Variants in PRKN observed in about 807,000 individuals in gnomAD.
The protein encoded by PRKN is E3 ubiquitin-protein ligase parkin.
A neutral mutation model predicts 59.5 loss-of-function variants in PRKN; 56 were observed. The ratio of observed to expected loss-of-function variants is 0.94; its 90% CI spans 0.76 to 1.18. PRKN has a LOEUF of 1.18. Among genes scored for constraint, PRKN ranks in the 50% most tolerant of loss-of-function variants. PRKN has a pLI of 0.00. For missense variants in PRKN, 657 were observed against 596.4 expected (o/e 1.10, Z -1.06); for synonymous variants, 250 against 222.1 (o/e 1.13, Z -1.12).
In PRKN at chr6:161,844,777, C is replaced by G. The variant is rs35545044; in HGVS notation, c.735-58869G>C. Among the ~76,000 whole-genome samples, 374 of 152,208 alleles carry G rather than the reference C, an allele frequency of 2.5e-3. 2 individuals carry two copies. Among genetic ancestry groups the G allele is most frequent in the African/African-American group, 8.4e-3 (348 of 41,550 alleles). On this transcript the variant is annotated intron_variant, in intron 6 of 11. Transcript: ENST00000366898. ...GGCAGCAGGACAGACCCTCCACCCCCACCCCGGAAGCAGAATCACACGCTT... is the reference window on the plus strand; with the variant it reads ...GGCAGCAGGACAGACCCTCCACCCCGACCCCGGAAGCAGAATCACACGCTT...
chr6:162,265,533 A>C lies in PRKN; in HGVS notation c.172-2768T>G, dbSNP rs142148457. On this transcript the variant is annotated intron_variant, in intron 2 of 11. Coordinates refer to ENST00000366898, the MANE Select transcript of PRKN (RefSeq NM_004562.3). ...CGGTGAAACCCCGTCTGTACTAAAAAGATAAAAATTAGCCGGGCATGGTGG... is the reference window on the plus strand; with the variant it reads ...CGGTGAAACCCCGTCTGTACTAAAACGATAAAAATTAGCCGGGCATGGTGG... Among the ~76,000 whole-genome samples, 841 of 152,290 alleles carry C rather than the reference A, an allele frequency of 5.5e-3. 8 individuals carry two copies. Among genetic ancestry groups the C allele is most frequent in the African/African-American group, 0.019 (802 of 41,550 alleles).
At chr6:161,634,363 T>C (rs928898071) in intron 7 of PRKN, among the ~76,000 whole-genome samples, 2 of 152,142 alleles carry the variant, frequency 1.3e-5, no homozygotes, top group African/African-American at 4.8e-5. Flanking sequence ...CAGACGGTGC[T>C]CTGAGCCTCC....
At chr6:161,868,864 CAGGTACT>C (rs1258640442) in intron 6 of PRKN, among the ~76,000 whole-genome samples, 1 of 152,188 alleles carries the variant, frequency 6.6e-6, no homozygotes, top group African/African-American at 2.4e-5. Flanking sequence ...GCCCTTGCAG[CAGGTACT>C]AGAGTTCTAC....
chr6:162,312,574 G>A (rs557253933), intron 2 of PRKN, among the ~76,000 whole-genome samples: 10 of 152,176 alleles, frequency 6.6e-5, no homozygotes, highest in Non-Finnish European at 1.2e-4. Flanking sequence ...TTAATTACTC[G>A]TTAGGAGAAA....
At chr6:162,415,286 A>C (rs1328270071) in intron 2 of PRKN, among the ~76,000 whole-genome samples, 3 of 152,178 alleles carry the variant, frequency 2.0e-5, no homozygotes. Flanking sequence ...CACTTTGTTT[A>C]AATGTGTTCA....
chr6:161,850,334 C>T (rs887989388), intron 6 of PRKN, among the ~76,000 whole-genome samples: 3 of 152,108 alleles, frequency 2.0e-5, no homozygotes, highest in Non-Finnish European at 4.4e-5. Context: ...AATCCCAGCA[C>T]TTTGGAAGGC....
At chr6:162,598,821 C>G (rs1212152058) in intron 1 of PRKN, among the ~76,000 whole-genome samples, 1 of 138,358 alleles carries the variant, frequency 7.2e-6, no homozygotes, top group Admixed American at 7.9e-5. Flanking sequence ...CCACTGCACT[C>G]CAACCTGGGT....
chr6:162,523,202 G>C (rs1244553028), intron 1 of PRKN, among the ~76,000 whole-genome samples: 2 of 152,180 alleles, frequency 1.3e-5, no homozygotes, highest in Non-Finnish European at 2.9e-5. Flanking sequence ...AGATGAGGCA[G>C]TGGGAATTCA....
Position 161,589,249 on chromosome 6 carries a change from A to T in PRKN, c.872-19833T>A, listed in dbSNP as rs1387403105. Among the ~76,000 whole-genome samples the T allele has an allele frequency of 2.0e-5, 3 of 152,356 alleles. No individual in the cohort carries two copies. In the South Asian group the frequency reaches 6.2e-4, roughly 32 times the overall value. ...CCGCTGCTGAGAGCGCCTGTGCTTC[A>T]GGGTCCACTGCAGGTCTGCACACCA... On this transcript the variant is annotated intron_variant, in intron 7 of 11. Coordinates refer to ENST00000366898, the MANE Select transcript of PRKN (RefSeq NM_004562.3).
chr6:161,945,240 T>G (rs531303547), intron 6 of PRKN, among the ~76,000 whole-genome samples: 1 of 152,252 alleles, frequency 6.6e-6, no homozygotes, highest in South Asian at 2.1e-4. Context: ...ACATCAATCT[T>G]TTGTTTGTCC....
chr6:161,482,008 CG>C (rs751972295), intron 9 of PRKN, among the ~76,000 whole-genome samples: 21 of 129,052 alleles, frequency 1.6e-4, no homozygotes, highest in Non-Finnish European at 3.0e-4. Flanking sequence ...GTTCATTTTG[CG>C]GGGGGTGGGG....
intron 1 of PRKN, among the ~76,000 whole-genome samples, chr6:162,472,167 T>A (rs2128178610): frequency 6.6e-6 from 1 of 152,028 alleles, no homozygotes; most frequent in Non-Finnish European, 1.5e-5. Flanking sequence ...TTTGTAACTT[T>A]AACCTCTGCC....
At chr6:161,964,461 A>G (rs1481577370) in intron 6 of PRKN, among the ~76,000 whole-genome samples, 1 of 152,022 alleles carries the variant, frequency 6.6e-6, no homozygotes, top group Non-Finnish European at 1.5e-5. Flanking sequence ...TGGCATAAGG[A>G]GATAGAATTT....
Position 162,203,041 on chromosome 6 carries a change from T to C in PRKN, c.413-1789A>G, listed in dbSNP as rs190012244. Among the ~76,000 whole-genome samples, 354 of 152,198 alleles carry C rather than the reference T, an allele frequency of 2.3e-3. 2 individuals carry two copies. Among genetic ancestry groups the C allele is most frequent in the African/African-American group, 7.9e-3 (329 of 41,542 alleles). ...TTGAAAGGGGAGTCAGGGCTGCAAA[T>C]ACGCTAGCATTGTTGAAAGAGCATA... is the stretch of plus-strand genomic sequence containing the variant. On this transcript the variant is annotated intron_variant, in intron 3 of 11. Coordinates refer to ENST00000366898, the MANE Select transcript of PRKN (RefSeq NM_004562.3).
rs1037626947 is a variant in PRKN at position 161,410,672 on chromosome 6, G to A, written c.1084-23795C>T. Among the ~76,000 whole-genome samples, 3 of 152,128 alleles carry A rather than the reference G, an allele frequency of 2.0e-5. No homozygotes were observed. The highest frequency in any genetic ancestry group is 4.4e-5 in the Non-Finnish European group (3 of 68,028). ...AAGCAGATGGAGTTGGGGAAACATGGAATGGAGGATGGGGAGGATGCAGGG... is the reference window on the plus strand; with the variant it reads ...AAGCAGATGGAGTTGGGGAAACATGAAATGGAGGATGGGGAGGATGCAGGG... On this transcript the variant is annotated intron_variant, in intron 9 of 11. Transcript: ENST00000366898. This position sits in a 1 kb window ranked among gnomAD's most constrained non-coding sequence, Gnocchi z 5.3.
At chr6:161,661,763 G>A (rs570332132) in intron 7 of PRKN, among the ~76,000 whole-genome samples, 1 of 152,268 alleles carries the variant, frequency 6.6e-6, no homozygotes, top group African/African-American at 2.4e-5. Flanking sequence ...TGGCTCCCAC[G>A]TGTAATCACA....
In PRKN at chr6:161,544,504, TTATTCATTCATTCA is replaced by T. The variant is rs143637494; in HGVS notation, c.1083+4336_1083+4349del. Among the ~76,000 whole-genome samples, 36,616 of 124,214 alleles carry T rather than the reference TTATTCATTCATTCA, an allele frequency of 0.29. 5,053 individuals carry two copies. Among genetic ancestry groups the T allele is most frequent in the East Asian group, 0.48 (2,414 of 5,026 alleles). 81.5% of individuals were successfully genotyped at this position (124,214 alleles called of 152,430 possible). A position where few individuals can be genotyped will look rare whatever the true frequency, so the allele number is the denominator to read the frequency against. ...ATTAAGATTCACTCAACCATTTATT[TTATTCATTCATTCA>T]TTCATTCATTCATTCATTCATTCAT... is the stretch of plus-strand genomic sequence containing the variant. On this transcript the variant is annotated intron_variant, in intron 9 of 11. Transcript: ENST00000366898. This position sits in a 1 kb window ranked among gnomAD's most constrained non-coding sequence, Gnocchi z 5.5.
chr6:162,658,674 G>GAAAAAAGAAAAAAAAAAAAAAAAAAAAAA (rs1778756526), intron 1 of PRKN, among the ~76,000 whole-genome samples: 1 of 97,116 alleles, frequency 1.0e-5, no homozygotes, highest in Non-Finnish European at 2.1e-5. Context: ...AAAAAAAAAA[G>GAAAAAAGAAAAAAAAAAAAAAAAAAAAAA]AAAAAAAAAA....
chr6:161,580,404 T>C (rs992037), intron 7 of PRKN, among the ~76,000 whole-genome samples: 106,770 of 152,076 alleles, frequency 0.7, 38,618 homozygotes, highest in African/African-American at 0.88. Flanking sequence ...GTATAAGCAA[T>C]TCCAGACAGT....
Sources: gnomAD v4.1 joint callset for allele counts (sites outside exome capture counted in the v4.1 genomes callset) on GRCh38, gnomAD v4.1.1 for gene constraint, Gnocchi (gnomAD v3.1) non-coding constraint, MANE v1.5 for transcripts, NCBI Gene and HGNC (gene_info 2026-07-23, HGNC 2026-07-21) for gene names.